Variants in RAB9B observed in about 807,000 individuals in gnomAD.
RAB9B encodes RAB9B, member RAS oncogene family, also known as ras-related protein Rab-9B.
Under a neutral mutation model 8.9 loss-of-function variants are expected in RAB9B, and 1 was observed. That is an observed-to-expected ratio of 0.11 (90% CI 0.04 to 0.53). The LOEUF (loss-of-function observed/expected upper bound fraction) is 0.53, where lower values mean the gene tolerates loss of function less well. RAB9B is among the 20% of genes least tolerant of loss of function. The probability of loss-of-function intolerance (pLI) is 0.93; values close to 1 mark genes in which losing one functional copy is unlikely to be tolerated. For missense variants in RAB9B, 82 were observed against 152.9 expected (o/e 0.54, Z 2.45); for synonymous variants, 63 against 57.0 (o/e 1.10, Z -0.47).
At chrX:103,813,169 C>A in the RAB9B span, among the ~76,000 whole-genome samples, 1 of 109,833 alleles carries the variant, frequency 9.1e-6, no homozygotes, top group South Asian at 4.0e-4. Context: ...GATCTGCCTG[C>A]CTTGGCCTCC....
chrX:103,800,539 C>T, the RAB9B span, among the ~76,000 whole-genome samples: 2 of 111,574 alleles, frequency 1.8e-5, no homozygotes, highest in Non-Finnish European at 3.8e-5. Flanking sequence ...ATTTCAAACT[C>T]TAGAATTCAG....
chrX:103,784,046 G>A, the RAB9B span, among the ~76,000 whole-genome samples: 1 of 112,263 alleles, frequency 8.9e-6, no homozygotes, highest in Non-Finnish European at 1.9e-5. Context: ...GAGGCCAGAG[G>A]AAGCCATTCT....
chrX:103,776,846 A>G, the RAB9B span: 2 of 571,112 alleles, frequency 3.5e-6, no homozygotes, highest in African/African-American at 4.6e-5. Flanking sequence ...AGCCCTTTTC[A>G]TTGCAGGAGA....
chrX:103,802,065 T>C, the RAB9B span, among the ~76,000 whole-genome samples: 2 of 110,625 alleles, frequency 1.8e-5, no homozygotes, highest in African/African-American at 6.6e-5. Flanking sequence ...AAAAAGTACA[T>C]AATACATAAA....
the RAB9B span, chrX:103,790,495 C>G: frequency 9.3e-7 from 1 of 1,080,050 alleles, no homozygotes; most frequent in Non-Finnish European, 1.3e-6. Context: ...CTTTTCTACT[C>G]TCATTCACAT....
chrX:103,819,434 T>C (rs926008598), downstream of RAB9B, among the ~76,000 whole-genome samples: 2 of 112,063 alleles, frequency 1.8e-5, no homozygotes, highest in Non-Finnish European at 3.8e-5. Context: ...ATTCTCTGTG[T>C]TTCCTTGGAG....
At chrX:103,778,021 AAC>A in the RAB9B span, among the ~76,000 whole-genome samples, 1 of 112,201 alleles carries the variant, frequency 8.9e-6, no homozygotes, top group Non-Finnish European at 1.9e-5. Context: ...TTCATCATGA[AAC>A]ACAGAGAGAA....
chrX:103,776,696 A>G, the RAB9B span: 1 of 307,777 alleles, frequency 3.2e-6, no homozygotes, highest in Non-Finnish European at 5.7e-6. Flanking sequence ...AACAATTGGC[A>G]GTGAAAGGCA....
intron 1 of RAB9B, among the ~76,000 whole-genome samples, chrX:103,828,543 C>T (rs1158814853): frequency 8.9e-6 from 1 of 111,976 alleles, no homozygotes; most frequent in Non-Finnish European, 1.9e-5. Context: ...GGGCATGATT[C>T]TGATGGCTAG....
downstream of RAB9B, among the ~76,000 whole-genome samples, chrX:103,820,532 C>T (rs1041741293): frequency 3.6e-5 from 4 of 111,971 alleles, no homozygotes; most frequent in Non-Finnish European, 5.6e-5. Flanking sequence ...GAAGGACTAT[C>T]GCCAAACCAT....
At chrX:103,820,822 C>A (rs924269374), downstream of RAB9B, among the ~76,000 whole-genome samples, 1 of 109,988 alleles carries the variant, frequency 9.1e-6, no homozygotes, top group Non-Finnish European at 1.9e-5. Flanking sequence ...TGGTGGCGGG[C>A]GCCTGTAATC....
the RAB9B span, among the ~76,000 whole-genome samples, chrX:103,777,474 T>C: frequency 8.9e-6 from 1 of 112,150 alleles, no homozygotes; most frequent in Non-Finnish European, 1.9e-5. Context: ...CAAGCTGGAC[T>C]CAGGCTTGGC....
chrX:103,811,792 T>C, the RAB9B span, among the ~76,000 whole-genome samples: 1 of 110,885 alleles, frequency 9.0e-6, no homozygotes, highest in South Asian at 3.9e-4. Flanking sequence ...GCTATAAAAA[T>C]ACCATAGACG....
At chrX:103,780,530 T>C in the RAB9B span, among the ~76,000 whole-genome samples, 1 of 109,807 alleles carries the variant, frequency 9.1e-6, no homozygotes, top group African/African-American at 3.3e-5. Flanking sequence ...GTTGCCGTGG[T>C]AATACTAAAT....
At chrX:103,789,106 G>A in the RAB9B span, 5 of 452,205 alleles carry the variant, frequency 1.1e-5, no homozygotes, top group South Asian at 9.4e-5. Context: ...TTGGAGTACT[G>A]TACTATTTCA....
At chrX:103,808,472 C>T in the RAB9B span, among the ~76,000 whole-genome samples, 27 of 112,406 alleles carry the variant, frequency 2.4e-4, no homozygotes, top group East Asian at 5.6e-4. Flanking sequence ...CTGGCCATAT[C>T]GTCTCCCAGA....
At chrX:103,805,609 G>C in the RAB9B span, among the ~76,000 whole-genome samples, 1 of 111,627 alleles carries the variant, frequency 9.0e-6, no homozygotes. Context: ...CCTGGACTTT[G>C]TGGGAGGTTT....
the RAB9B span, among the ~76,000 whole-genome samples, chrX:103,799,895 G>A: frequency 1.8e-5 from 2 of 110,919 alleles, no homozygotes; most frequent in African/African-American, 6.6e-5. Flanking sequence ...GCGGGGCGGG[G>A]GACTCCTTGC....
chrX:103,812,953 T>C, the RAB9B span, among the ~76,000 whole-genome samples: 1 of 108,239 alleles, frequency 9.2e-6, no homozygotes, highest in East Asian at 2.9e-4. Flanking sequence ...TTAAATTTTT[T>C]TTTTTTGAGG....
Sources: gnomAD v4.1 joint callset for allele counts (sites outside exome capture counted in the v4.1 genomes callset) on GRCh38, gnomAD v4.1.1 for gene constraint, MANE v1.5 for transcripts, NCBI Gene and HGNC (gene_info 2026-07-23, HGNC 2026-07-21) for gene names.